The following DMD variants were observed in gnomAD, a reference collection of about 807,000 sequenced individuals.
DMD encodes dystrophin, also known as mutant dystrophin.
DMD carries 63 observed loss-of-function variants against 330.1 expected under a neutral mutation model. That is an observed-to-expected ratio of 0.19 (90% CI 0.16 to 0.24). The LOEUF is 0.24. Among genes scored for constraint, DMD ranks in the 10% least tolerant of loss-of-function variants. The pLI is 1.00. For missense variants in DMD, 3,344 were observed against 2,684.1 expected, an observed-to-expected ratio of 1.25 and a Z score of -5.43; for synonymous variants, 1,223 against 959.8, an observed-to-expected ratio of 1.27 and a Z score of -5.07.
At chrX:32,880,344 TA>T (rs1296476465) in intron 2 of DMD, among the ~76,000 whole-genome samples, 1 of 110,069 alleles carries the variant, frequency 9.1e-6, no homozygotes, top group African/African-American at 3.3e-5. Context: ...TGTCTGCCTA[TA>T]AAAGATGTTT....
At chrX:32,951,331 G>T (rs12014973) in intron 2 of DMD, among the ~76,000 whole-genome samples, 41,766 of 110,065 alleles carry the variant, frequency 0.38, 6,830 homozygotes, top group African/African-American at 0.63. Context: ...TACAGACTCT[G>T]TCCGAGCAAA....
At chrX:32,460,015 A>C (rs997821065) in intron 25 of DMD, among the ~76,000 whole-genome samples, 1 of 111,348 alleles carries the variant, frequency 9.0e-6, no homozygotes, top group Non-Finnish European at 1.9e-5. Context: ...ATTTTATGAT[A>C]TAAAACATCA....
chrX:32,915,645 C>A (rs944724984), intron 2 of DMD, among the ~76,000 whole-genome samples: 2 of 110,072 alleles, frequency 1.8e-5, no homozygotes, highest in Admixed American at 9.7e-5. Context: ...GAGTATTGAG[C>A]ATCTACACTG....
chrX:32,602,359 T>G (rs895357022), intron 12 of DMD, among the ~76,000 whole-genome samples: 1 of 111,464 alleles, frequency 9.0e-6, no homozygotes, highest in African/African-American at 3.3e-5. Context: ...TAAAATCAGA[T>G]TAAAAACCAA....
chrX:31,351,624 G>A (rs2058418043), intron 60 of DMD, among the ~76,000 whole-genome samples: 1 of 105,755 alleles, frequency 9.5e-6, no homozygotes, highest in Non-Finnish European at 1.9e-5. Context: ...TACTCGGGAA[G>A]CTGAGACAGG....
intron 7 of DMD, among the ~76,000 whole-genome samples, chrX:32,799,729 T>C (rs1419098566): frequency 9.0e-6 from 1 of 110,501 alleles, no homozygotes; most frequent in Non-Finnish European, 1.9e-5. Context: ...GAGAATTGTC[T>C]GATTCACAAA....
At chrX:31,346,836 T>TA (rs1002103483) in intron 61 of DMD, among the ~76,000 whole-genome samples, 2 of 106,032 alleles carry the variant, frequency 1.9e-5, no homozygotes, top group African/African-American at 6.9e-5. Flanking sequence ...TCGTCTCTAC[T>TA]AAAAAAATAC....
chrX:32,123,203 A>ATATG (rs1557152312), intron 44 of DMD, among the ~76,000 whole-genome samples: 5 of 6,210 alleles, frequency 8.1e-4, no homozygotes, highest in African/African-American at 3.4e-3. Flanking sequence ...GTGAGCATGC[A>ATATG]TATATATATA....
rs1014574224 is a variant in DMD at position 32,981,249 on chromosome X, C to A, written c.93+38890G>T. Among the ~76,000 whole-genome samples the A allele has an allele frequency of 2.3e-3, 254 of 111,933 alleles. 2 individuals are homozygous for A. Among genetic ancestry groups the A allele is most frequent in the African/African-American group, 8.1e-3 (249 of 30,893 alleles). ...TCAAACTTCTTGCTAATTATCATCA[C>A]AAGCCGCTATTTCTGTCATTTTCCT... On this transcript the variant is annotated intron_variant, in intron 2 of 78. Coordinates refer to ENST00000357033, the MANE Select transcript of DMD (RefSeq NM_004006.3).
intron 44 of DMD, among the ~76,000 whole-genome samples, chrX:31,975,530 T>C (rs2095429928): frequency 9.0e-6 from 1 of 111,689 alleles, no homozygotes; most frequent in Non-Finnish European, 1.9e-5. Context: ...AGGCATCTTG[T>C]CCACAGCTGT....
chrX:31,517,918 A>AACACAC lies in DMD; in HGVS notation c.8218-10471_8218-10466dup, dbSNP rs372551324. On this transcript the variant is annotated intron_variant, in intron 55 of 78. Coordinates refer to ENST00000357033, the MANE Select transcript of DMD (RefSeq NM_004006.3). ...AAAAAAATACATATGCTGTGTTTCA[A>AACACAC]ACACACACACACACACACACACACA... 6.5e-3 allele frequency among the ~76,000 whole-genome samples: 580 copies of AACACAC among 89,635 alleles called. 4 individuals carry two copies. Among genetic ancestry groups the AACACAC allele is most frequent in the East Asian group, 0.016 (44 of 2,749 alleles). 77.8% of individuals were successfully genotyped at this position (89,635 alleles called of 115,157 possible).
intron 44 of DMD, among the ~76,000 whole-genome samples, chrX:32,010,871 A>G (rs2095702872): frequency 8.9e-6 from 1 of 112,174 alleles, no homozygotes; most frequent in African/African-American, 3.2e-5. Context: ...GAGTTTCTGT[A>G]TCTTGCTTCT....
intron 2 of DMD, among the ~76,000 whole-genome samples, chrX:33,013,734 C>A (rs750082871): frequency 8.9e-6 from 1 of 112,503 alleles, no homozygotes; most frequent in East Asian, 2.8e-4. Flanking sequence ...TAATGTTTTG[C>A]CACTTTGTCC....
At chrX:31,571,435 C>G (rs760591606) in intron 55 of DMD, among the ~76,000 whole-genome samples, 70 of 110,117 alleles carry the variant, frequency 6.4e-4, no homozygotes, top group African/African-American at 2.3e-3. Context: ...TGTTCTATTG[C>G]AATATTTTTA....
intron 64 of DMD, among the ~76,000 whole-genome samples, chrX:31,212,271 C>A (rs1021413241): frequency 2.8e-5 from 3 of 109,032 alleles, no homozygotes; most frequent in Non-Finnish European, 3.8e-5. Context: ...TACATCTTCA[C>A]TTTCTAAATT....
At chrX:32,777,058 GTCTT>G (rs1400579483) in intron 7 of DMD, among the ~76,000 whole-genome samples, 4 of 99,384 alleles carry the variant, frequency 4.0e-5, no homozygotes, top group Non-Finnish European at 7.8e-5. Context: ...GCATAAATTT[GTCTT>G]TTTTTTTTGT....
Position 32,146,321 on chromosome X carries a change from A to G in DMD, c.6438+70595T>C, listed in dbSNP as rs532637483. ...CGATCCATCGATAGATAGATAAGTA[A>G]AGGAGAGTGACAGAGACAGGGAGAG... On this transcript the variant is annotated intron_variant, in intron 44 of 78. Coordinates refer to ENST00000357033, the MANE Select transcript of DMD (RefSeq NM_004006.3). 7.2e-5 allele frequency among the ~76,000 whole-genome samples: 8 copies of G among 111,803 alleles called. No homozygotes were observed. The South Asian group carries it at 1.5e-3, about 21-fold the overall frequency.
chrX:32,849,772 T>C lies in DMD; in HGVS notation c.142A>G (p.Arg48Gly), dbSNP rs1569533964. ...ENLFSDLQDG[R>G]RLLDLLEGLT... is the part of the protein sequence containing the mutation. ...CCTTCGAGGAGGTCTAGGAGGCGCC[T>C]CCCATCCTGTAGGTCACTGAAGAGG... Residue 48 changes from arginine (R) to glycine (G), a missense_variant, in exon 3 of 79, where the codon AGG (arginine) becomes GGG (glycine). Transcript: ENST00000357033. 1 of 1,210,059 alleles carries C rather than the reference T, an allele frequency of 8.3e-7. No individual in the cohort carries two copies. The highest frequency in any genetic ancestry group is 1.1e-6 in the Non-Finnish European group (1 of 894,321).
At chrX:32,571,135 C>T (rs2052371813) in intron 15 of DMD, among the ~76,000 whole-genome samples, 1 of 111,559 alleles carries the variant, frequency 9.0e-6, no homozygotes, top group Non-Finnish European at 1.9e-5. Context: ...TATGATTGAC[C>T]GTCTGAAGCA....
Sources: allele counts gnomAD v4.1 joint callset (sites outside exome capture counted in the v4.1 genomes callset), GRCh38; gene constraint gnomAD v4.1.1; transcripts MANE v1.5; gene names NCBI Gene and HGNC (gene_info 2026-07-23, HGNC 2026-07-21).